Variants in RAD51B observed in about 807,000 individuals in gnomAD.
RAD51B encodes DNA repair protein RAD51 homolog 2.
In RAD51B, 38 loss-of-function variants were observed where a neutral mutation model predicts 42.2. The observed-to-expected ratio is 0.90, with a 90% CI of 0.70 to 1.18. RAD51B has a LOEUF of 1.18. Among genes scored for constraint, RAD51B ranks in the 50% most tolerant of loss-of-function variants. The pLI is 0.00. For missense variants in RAD51B, 373 were observed against 400.7 expected, an observed-to-expected ratio of 0.93 and a Z score of 0.59; for synonymous variants, 154 against 145.2, an observed-to-expected ratio of 1.06 and a Z score of -0.43.
intron 7 of RAD51B, among the ~76,000 whole-genome samples, chr14:67,998,114 G>T (rs970935237): frequency 6.6e-6 from 1 of 152,092 alleles, no homozygotes; most frequent in Non-Finnish European, 1.5e-5. Context: ...TTGGAGTGAT[G>T]CTTAGCAATC....
intron 8 of RAD51B, among the ~76,000 whole-genome samples, chr14:68,373,980 G>T (rs921720519): frequency 3.3e-5 from 5 of 152,262 alleles, no homozygotes; most frequent in African/African-American, 9.6e-5. Flanking sequence ...AGGAAGAAAA[G>T]AACCGACATT....
chr14:68,117,103 G>A (rs1161236773), intron 7 of RAD51B, among the ~76,000 whole-genome samples: 1 of 152,116 alleles, frequency 6.6e-6, no homozygotes, highest in Non-Finnish European at 1.5e-5. Flanking sequence ...TGTGACTTGC[G>A]CCTATATCAT....
intron 10 of RAD51B, among the ~76,000 whole-genome samples, chr14:68,637,256 T>G (rs780832749): frequency 2.6e-5 from 4 of 152,158 alleles, no homozygotes; most frequent in Non-Finnish European, 4.4e-5. Flanking sequence ...TTTTTTAATT[T>G]TGTGTAGAGA....
At chr14:68,291,148 T>C (rs1484556972) in intron 7 of RAD51B, among the ~76,000 whole-genome samples, 3 of 151,744 alleles carry the variant, frequency 2.0e-5, no homozygotes, top group African/African-American at 7.2e-5. Context: ...ACCAGTAATA[T>C]CTTAGGTTGT....
chr14:68,193,467 G>T (rs1052689404), intron 7 of RAD51B, among the ~76,000 whole-genome samples: 4 of 152,120 alleles, frequency 2.6e-5, no homozygotes, highest in Non-Finnish European at 4.4e-5. Flanking sequence ...GCACAAAATT[G>T]CATGCATCTC....
chr14:68,139,585 G>C (rs920217706), intron 7 of RAD51B, among the ~76,000 whole-genome samples: 1 of 152,152 alleles, frequency 6.6e-6, no homozygotes, highest in African/African-American at 2.4e-5. Flanking sequence ...GTGGCAGTGT[G>C]GGGCATGGGA....
intron 7 of RAD51B, among the ~76,000 whole-genome samples, chr14:67,987,818 G>A (rs2075220638): frequency 6.6e-6 from 1 of 152,180 alleles, no homozygotes. Flanking sequence ...TGGTTTGTCT[G>A]TGTGTATGTT....
At chr14:68,541,611 G>A (rs1383898668) in intron 10 of RAD51B, 3 of 985,322 alleles carry the variant, frequency 3.0e-6, no homozygotes, top group Non-Finnish European at 3.6e-6. Flanking sequence ...ATTTGCCCAT[G>A]TCACCCAACT....
chr14:68,419,655 A>T (rs756007081), intron 9 of RAD51B, among the ~76,000 whole-genome samples: 1 of 152,208 alleles, frequency 6.6e-6, no homozygotes, highest in Non-Finnish European at 1.5e-5. Flanking sequence ...GTGCTCATGG[A>T]CATCTCCCTT....
chr14:68,101,319 G>A (rs149805899), intron 7 of RAD51B, among the ~76,000 whole-genome samples: 273 of 152,204 alleles, frequency 1.8e-3, no homozygotes, highest in Admixed American at 4.7e-3. Flanking sequence ...CAAAAGTCTG[G>A]CAAAGTCTTA....
chr14:67,977,432 C>T (rs2075016101), intron 7 of RAD51B, among the ~76,000 whole-genome samples: 1 of 152,200 alleles, frequency 6.6e-6, no homozygotes, highest in African/African-American at 2.4e-5. Context: ...TTCCCTCCGG[C>T]CAACTATCAG....
intron 7 of RAD51B, among the ~76,000 whole-genome samples, chr14:68,027,943 T>C (rs965703398): frequency 1.3e-5 from 2 of 152,180 alleles, no homozygotes; most frequent in Admixed American, 1.3e-4. Context: ...TTTTCTCATC[T>C]GGGAAGTTTG....
At chr14:68,008,179 T>A (rs2075622895) in intron 7 of RAD51B, among the ~76,000 whole-genome samples, 1 of 151,972 alleles carries the variant, frequency 6.6e-6, no homozygotes, top group Admixed American at 6.6e-5. Flanking sequence ...ATAGATTACA[T>A]ACAGTGATAC....
intron 8 of RAD51B, among the ~76,000 whole-genome samples, chr14:68,308,063 C>T (rs1366827044): frequency 2.0e-5 from 3 of 152,132 alleles, no homozygotes; most frequent in Non-Finnish European, 2.9e-5. Context: ...AGGAAACATG[C>T]TAGAGCCTTT....
chr14:68,682,910 C>CTTTTTTTTTTTT (rs535044457), intron 11 of RAD51B: 4 of 701,300 alleles, frequency 5.7e-6, no homozygotes, highest in Admixed American at 1.5e-4. Context: ...TAGCTTATGG[C>CTTTTTTTTTTTT]TTTTTTTTTT....
intron 9 of RAD51B, among the ~76,000 whole-genome samples, chr14:68,424,314 T>A (rs1332778131): frequency 2.6e-5 from 4 of 152,252 alleles, no homozygotes; most frequent in African/African-American, 9.6e-5. Context: ...CCCAGCATCC[T>A]AATGAAGATT....
chr14:68,173,581 C>G (rs1401178879), intron 7 of RAD51B, among the ~76,000 whole-genome samples: 3 of 152,158 alleles, frequency 2.0e-5, no homozygotes, highest in African/African-American at 7.2e-5. Context: ...ATAAGAATCA[C>G]ATGCAATATG....
chr14:68,670,762 G>A (rs1893139485), intron 11 of RAD51B, among the ~76,000 whole-genome samples: 2 of 152,256 alleles, frequency 1.3e-5, no homozygotes, highest in South Asian at 4.1e-4. Flanking sequence ...CAGCAAAGTG[G>A]TCGAAGGCCA....
chr14:67,998,550 A>G (rs1274764469), intron 7 of RAD51B, among the ~76,000 whole-genome samples: 4 of 152,222 alleles, frequency 2.6e-5, no homozygotes, highest in African/African-American at 9.6e-5. Flanking sequence ...TCCAAAGTTG[A>G]TATACTAGAG....
Sources: gnomAD v4.1 joint callset for allele counts (sites outside exome capture counted in the v4.1 genomes callset) on GRCh38, gnomAD v4.1.1 for gene constraint, MANE v1.5 for transcripts, NCBI Gene and HGNC (gene_info 2026-07-23, HGNC 2026-07-21) for gene names.